HDAC9: variants seen among roughly 807,000 people sequenced by gnomAD.
HDAC9 encodes the protein MEF-2 interacting transcription repressor (MITR) protein.
Under a neutral mutation model 139.4 loss-of-function variants are expected in HDAC9, and 41 were observed. The observed-to-expected ratio is 0.29, with a 90% CI of 0.23 to 0.38. The LOEUF (loss-of-function observed/expected upper bound fraction) is 0.38. Among genes scored for constraint, HDAC9 ranks in the 10% least tolerant of loss-of-function variants. HDAC9 has a pLI of 1.00. For synonymous variants in HDAC9, 517 were observed against 476.2 expected, an observed-to-expected ratio of 1.09 and a Z score of -1.12; for missense variants, 1,147 against 1,297.0, an observed-to-expected ratio of 0.88 and a Z score of 1.78.
chr7:18,549,391 T>C (rs984698861), intron 2 of HDAC9, among the ~76,000 whole-genome samples: 7 of 152,182 alleles, frequency 4.6e-5, no homozygotes, highest in African/African-American at 1.7e-4. Context: ...CTCAAAACAA[T>C]AAACATTCAC....
At chr7:18,431,600 G>A (rs994171726) in intron 1 of HDAC9, among the ~76,000 whole-genome samples, 4 of 152,128 alleles carry the variant, frequency 2.6e-5, no homozygotes, top group Non-Finnish European at 5.9e-5. Context: ...AGGGCTCCCA[G>A]GCAATACATC....
intron 1 of HDAC9, among the ~76,000 whole-genome samples, chr7:18,354,565 T>C (rs1783105560): frequency 6.6e-6 from 1 of 152,182 alleles, no homozygotes; most frequent in African/African-American, 2.4e-5. Flanking sequence ...CTACTGGTTT[T>C]GATTCACAGA....
chr7:18,450,139 C>T (rs2128101283), intron 1 of HDAC9, among the ~76,000 whole-genome samples: 1 of 152,302 alleles, frequency 6.6e-6, no homozygotes, highest in East Asian at 1.9e-4. Flanking sequence ...AAATATTGGG[C>T]TGTTCAATGT....
At position 18,790,512 on chromosome 7, in the gene HDAC9, A is replaced by G. The variant is rs994945834; in HGVS notation, c.2215-2833A>G. On this transcript the variant is annotated intron_variant, in intron 16 of 25. Transcript: ENST00000686413. Reference sequence around the variant, plus strand: ...TATCTTGAACTTCAAAGCCTCCAGAATTGTGAGAAATAAAATTTCTTTTGT... The same window carrying G: ...TATCTTGAACTTCAAAGCCTCCAGAGTTGTGAGAAATAAAATTTCTTTTGT... 4.6e-5 allele frequency among the ~76,000 whole-genome samples: 7 copies of G among 152,150 alleles called. 1 individual carries two copies. Among genetic ancestry groups the G allele is most frequent in the African/African-American group, 1.7e-4 (7 of 41,434 alleles).
chr7:18,979,195 C>G (rs1784741431), intron 25 of HDAC9, among the ~76,000 whole-genome samples: 2 of 152,020 alleles, frequency 1.3e-5, no homozygotes, highest in Non-Finnish European at 2.9e-5. Context: ...GGGTAACTAT[C>G]TAGTTTGTGA....
chr7:18,446,074 G>A (rs537304815), intron 1 of HDAC9, among the ~76,000 whole-genome samples: 1 of 147,798 alleles, frequency 6.8e-6, no homozygotes, highest in African/African-American at 2.5e-5. Context: ...AGAGAGTAGG[G>A]CTGGCAAAGG....
At chr7:18,372,288 C>T (rs944681493) in intron 1 of HDAC9, among the ~76,000 whole-genome samples, 2 of 152,200 alleles carry the variant, frequency 1.3e-5, no homozygotes, top group Non-Finnish European at 2.9e-5. Context: ...CATGGACACT[C>T]ATGAGAATCT....
chr7:18,893,314 C>G (rs951552137), intron 22 of HDAC9, among the ~76,000 whole-genome samples: 1 of 152,104 alleles, frequency 6.6e-6, no homozygotes, highest in Non-Finnish European at 1.5e-5. Context: ...AGGAACATAA[C>G]ATAACCTTCG....
intron 2 of HDAC9, among the ~76,000 whole-genome samples, chr7:18,508,518 C>G (rs994121182): frequency 6.6e-6 from 1 of 152,128 alleles, no homozygotes; most frequent in Non-Finnish European, 1.5e-5. Context: ...GTGCCTCTCT[C>G]TTGTATTCAT....
At chr7:18,773,011 G>A (rs1790449882) in intron 16 of HDAC9, among the ~76,000 whole-genome samples, 1 of 152,050 alleles carries the variant, frequency 6.6e-6, no homozygotes, top group South Asian at 2.1e-4. Flanking sequence ...ACATTACTCT[G>A]TGTATGGGAC....
chr7:18,679,034 G>A (rs1019309874), intron 12 of HDAC9, among the ~76,000 whole-genome samples: 21 of 151,856 alleles, frequency 1.4e-4, no homozygotes, highest in African/African-American at 5.1e-4. Flanking sequence ...CCTGGTGCAG[G>A]AATGAAGATG....
At chr7:18,629,919 T>A (rs1781822434) in intron 7 of HDAC9, among the ~76,000 whole-genome samples, 1 of 152,150 alleles carries the variant, frequency 6.6e-6, no homozygotes, top group Non-Finnish European at 1.5e-5. Flanking sequence ...AAACCTTGAC[T>A]TTTCAACAAA....
At chr7:18,311,395 C>T (rs1799309801) in intron 1 of HDAC9, among the ~76,000 whole-genome samples, 5 of 151,876 alleles carry the variant, frequency 3.3e-5, no homozygotes, top group Non-Finnish European at 1.5e-5. Flanking sequence ...AGTTTTTATT[C>T]CCTTCCATTT....
chr7:18,910,701 A>AT (rs573422606), intron 22 of HDAC9, among the ~76,000 whole-genome samples: 39 of 152,026 alleles, frequency 2.6e-4, no homozygotes, highest in African/African-American at 9.4e-4. Context: ...TTCTGTGTCT[A>AT]TTGTGATGAT....
intron 1 of HDAC9, among the ~76,000 whole-genome samples, chr7:18,412,778 T>A (rs762144182): frequency 3.9e-5 from 6 of 152,150 alleles, no homozygotes; most frequent in Non-Finnish European, 8.8e-5. Flanking sequence ...AGGTAAAAAT[T>A]ATGTAAAAAT....
chr7:18,104,295 A>G (rs60344808), intron 1 of HDAC9, among the ~76,000 whole-genome samples: 28,941 of 151,834 alleles, frequency 0.19, 3,165 homozygotes, highest in African/African-American at 0.29. Context: ...TTGTAACCAT[A>G]AGCTTGAAAG....
chr7:18,519,628 A>G (rs1160704860), intron 2 of HDAC9, among the ~76,000 whole-genome samples: 1 of 152,148 alleles, frequency 6.6e-6, no homozygotes, highest in Non-Finnish European at 1.5e-5. Flanking sequence ...TTTGGAGGAA[A>G]GGGGTGTTGT....
chr7:18,974,193 TC>T (rs1784419775), intron 24 of HDAC9, among the ~76,000 whole-genome samples: 1 of 152,172 alleles, frequency 6.6e-6, no homozygotes, highest in African/African-American at 2.4e-5. Context: ...CTGCTGAAGA[TC>T]AAGAAAAGAT....
chr7:18,240,762 ATCTGTAAAAACCC>A (rs1794137848), intron 2 of HDAC9, among the ~76,000 whole-genome samples: 3 of 152,176 alleles, frequency 2.0e-5, no homozygotes, highest in Admixed American at 2.0e-4. Context: ...TTCTGGCCTC[ATCTGTAAAAACCC>A]TCTTCCTTGT....
Sources: allele counts gnomAD v4.1 joint callset (sites outside exome capture counted in the v4.1 genomes callset), GRCh38; gene constraint gnomAD v4.1.1; transcripts MANE v1.5; gene names NCBI Gene and HGNC (gene_info 2026-07-23, HGNC 2026-07-21).